The following CDH18 variants were observed in gnomAD, a reference collection of about 807,000 sequenced individuals.
The protein encoded by CDH18 is cadherin 18.
CDH18 carries 31 observed loss-of-function variants against 67.9 expected under a neutral mutation model. The ratio of observed to expected loss-of-function variants is 0.46; its 90% CI spans 0.34 to 0.62. The LOEUF (loss-of-function observed/expected upper bound fraction) is 0.62. Ranked by LOEUF, CDH18 falls within the 20% of genes least tolerant of loss-of-function variation. The pLI is 0.01. For missense variants in CDH18, 890 were observed against 975.5 expected (o/e 0.91, Z 1.17); for synonymous variants, 362 against 347.2 (o/e 1.04, Z -0.48).
At chr5:19,629,151 A>G (rs1175547098) in intron 5 of CDH18, among the ~76,000 whole-genome samples, 1 of 152,172 alleles carries the variant, frequency 6.6e-6, no homozygotes, top group Admixed American at 6.5e-5. Flanking sequence ...ATTTTTAAGC[A>G]TAAGAAGACT....
intron 2 of CDH18, among the ~76,000 whole-genome samples, chr5:20,227,737 C>A (rs186710329): frequency 6.6e-6 from 1 of 151,976 alleles, no homozygotes. Context: ...GTCCTAATAC[C>A]TCAGCCTCCC....
chr5:20,573,578 T>C (rs879564118), intron 1 of CDH18, among the ~76,000 whole-genome samples: 1 of 151,398 alleles, frequency 6.6e-6, no homozygotes, highest in Non-Finnish European at 1.5e-5. Context: ...ATTATTAAAA[T>C]ACAATTTTGA....
At chr5:19,676,922 C>A (rs1221810662) in intron 5 of CDH18, among the ~76,000 whole-genome samples, 1 of 152,008 alleles carries the variant, frequency 6.6e-6, no homozygotes, top group Non-Finnish European at 1.5e-5. Context: ...TGTTCTAAAG[C>A]CTTTTAAAAT....
rs143069229 is a variant in CDH18 at position 19,859,989 on chromosome 5, G to GGGGTGTGTGT, written c.-256-20748_-256-20747insACACACACCC. Among the ~76,000 whole-genome samples the GGGGTGTGTGT allele has an allele frequency of 4.8e-3, 685 of 143,244 alleles. 2 individuals carry two copies. Among genetic ancestry groups the GGGGTGTGTGT allele is most frequent in the African/African-American group, 0.015 (571 of 38,418 alleles). The allele number at this position is 143,244 out of a possible 152,430, so 94.0% of individuals were successfully genotyped here. A position where few individuals can be genotyped will look rare whatever the true frequency, so the allele number is the denominator to read the frequency against. ...CTTATTAATTTACTTGTTTGCTTTG[G>GGGGTGTGTGT]GTGTGTGTGTGTGTGTGTGTGTGTG... On this transcript the variant is annotated intron_variant, in intron 2 of 12. Coordinates refer to ENST00000382275, the MANE Select transcript of CDH18 (RefSeq NM_004934.5).
intron 2 of CDH18, among the ~76,000 whole-genome samples, chr5:19,876,014 G>T (rs982660697): frequency 3.3e-5 from 5 of 151,848 alleles, no homozygotes; most frequent in African/African-American, 1.2e-4. Context: ...ATAGGCTGAT[G>T]TTTACCAAAA....
chr5:20,235,374 T>C (rs4866173), intron 2 of CDH18, among the ~76,000 whole-genome samples: 18,618 of 151,984 alleles, frequency 0.12, 1,521 homozygotes, highest in African/African-American at 0.23. Context: ...TTGCAAAATA[T>C]GAATTTAACA....
At chr5:20,009,781 C>T (rs1001218024) in intron 2 of CDH18, among the ~76,000 whole-genome samples, 1 of 151,958 alleles carries the variant, frequency 6.6e-6, no homozygotes, top group Non-Finnish European at 1.5e-5. Context: ...CCAAGAAAAC[C>T]CATTTATAGA....
rs537038006 is a variant in CDH18, at chr5:20,517,824, T to C, written c.-580+57638A>G. 2.1e-4 allele frequency among the ~76,000 whole-genome samples: 32 copies of C among 152,142 alleles called. 1 individual carries two copies. The South Asian group carries it at 6.4e-3, about 31-fold the overall frequency. ...ATGTAGACTTCAAATATAGGAAAAT[T>C]TGAGGTGATTGTGGTTGTTTCACCT... is the stretch of plus-strand genomic sequence containing the variant. On this transcript the variant is annotated intron_variant, in intron 1 of 14. Coordinates refer to the CDH18 transcript ENST00000507958.
intron 2 of CDH18, among the ~76,000 whole-genome samples, chr5:20,041,213 T>A (rs975756025): frequency 6.6e-6 from 1 of 152,204 alleles, no homozygotes; most frequent in Non-Finnish European, 1.5e-5. Context: ...TATAGTAGAA[T>A]CATAACACCA....
At chr5:20,181,150 G>T (rs1167532367) in intron 2 of CDH18, among the ~76,000 whole-genome samples, 1 of 152,086 alleles carries the variant, frequency 6.6e-6, no homozygotes, top group African/African-American at 2.4e-5. Flanking sequence ...CAACTCATAT[G>T]AAATCAAAAG....
rs536013743 is a variant in CDH18 at position 20,266,019 on chromosome 5, T to TC, written c.-579-10515dup. ...TGCTTGAGCTGGGACATCCATCTTC[T>TC]CCTCCTCTTGGATAGAGGCACTCTC... On this transcript the variant is annotated intron_variant, in intron 1 of 14. Coordinates refer to the CDH18 transcript ENST00000507958. Among the ~76,000 whole-genome samples the TC allele has an allele frequency of 4.5e-4, 69 of 152,268 alleles. No homozygotes were observed. The East Asian group carries it at 0.011, about 25-fold the overall frequency.
At chr5:20,173,598 T>C (rs1454074779) in intron 2 of CDH18, among the ~76,000 whole-genome samples, 1 of 152,122 alleles carries the variant, frequency 6.6e-6, no homozygotes, top group African/African-American at 2.4e-5. Flanking sequence ...CGCAGTCAGA[T>C]TTGCATTTAA....
chr5:20,143,519 C>T (rs1003194971), intron 2 of CDH18, among the ~76,000 whole-genome samples: 1 of 152,062 alleles, frequency 6.6e-6, no homozygotes, highest in Non-Finnish European at 1.5e-5. Context: ...ACGCATGCAC[C>T]GCTATGCCCA....
intron 2 of CDH18, among the ~76,000 whole-genome samples, chr5:20,051,011 A>T (rs1741373287): frequency 6.6e-6 from 1 of 151,906 alleles, no homozygotes; most frequent in Admixed American, 6.6e-5. Flanking sequence ...TATTGTAATA[A>T]AAAGATACTT....
chr5:19,684,729 AAG>A (rs1476248852), intron 5 of CDH18, among the ~76,000 whole-genome samples: 1 of 152,082 alleles, frequency 6.6e-6, no homozygotes, highest in Non-Finnish European at 1.5e-5. Context: ...AAGTGAATGA[AAG>A]AGAGAGGCAG....
In CDH18 at chr5:20,149,871, T is replaced by A. The variant is rs182897780; in HGVS notation, c.-518+105573A>T. Among the ~76,000 whole-genome samples, 295 of 152,080 alleles carry A rather than the reference T, an allele frequency of 1.9e-3. 3 individuals are homozygous for A. The highest frequency in any genetic ancestry group is 6.5e-3 in the African/African-American group (270 of 41,502). Reference sequence around the variant, plus strand: ...ATGTAGGAAAGAAAAATAGAGAAGATCACTAGGAAACAGAAGAGTAAGATA... The same window carrying A: ...ATGTAGGAAAGAAAAATAGAGAAGAACACTAGGAAACAGAAGAGTAAGATA... On this transcript the variant is annotated intron_variant, in intron 2 of 14. Coordinates refer to the CDH18 transcript ENST00000507958.
At chr5:19,487,276 A>G (rs1740561265) in intron 11 of CDH18, among the ~76,000 whole-genome samples, 1 of 152,202 alleles carries the variant, frequency 6.6e-6, no homozygotes, top group African/African-American at 2.4e-5. Flanking sequence ...ATATAGCCAT[A>G]AGTCTACAGA....
rs7722371 is a variant in CDH18 at position 20,201,408 on chromosome 5, C to A, written c.-518+54036G>T. Among the ~76,000 whole-genome samples, 782 of 152,148 alleles carry A rather than the reference C, an allele frequency of 5.1e-3. 8 individuals are homozygous for A. Among genetic ancestry groups the A allele is most frequent in the African/African-American group, 0.017 (724 of 41,496 alleles). On this transcript the variant is annotated intron_variant, in intron 2 of 14. Transcript: ENST00000507958. ...TTAGGACTTTAAGGTAACTTTTTGC[C>A]AGACACAGTTCAATTAATGACATCA... is the stretch of plus-strand genomic sequence containing the variant.
intron 5 of CDH18, among the ~76,000 whole-genome samples, chr5:19,648,423 A>C (rs192845724): frequency 1.7e-3 from 262 of 152,062 alleles, no homozygotes; most frequent in African/African-American, 5.9e-3. Context: ...TCAATAAATA[A>C]ATAAATAAAA....
Sources: allele counts gnomAD v4.1 joint callset (sites outside exome capture counted in the v4.1 genomes callset), GRCh38; gene constraint gnomAD v4.1.1; transcripts MANE v1.5; gene names NCBI Gene and HGNC (gene_info 2026-07-23, HGNC 2026-07-21).